Variants in CHRDL1 observed in about 807,000 individuals in gnomAD.
The protein encoded by CHRDL1 is chordin-like protein 1.
A neutral mutation model predicts 40.9 loss-of-function variants in CHRDL1; 19 were observed. The ratio of observed to expected loss-of-function variants is 0.46; its 90% CI spans 0.32 to 0.68. The LOEUF is 0.68. CHRDL1 is among the 30% of genes least tolerant of loss of function. The pLI, the probability that CHRDL1 is intolerant of heterozygous loss-of-function variation, is 0.03. For missense variants in CHRDL1, 329 were observed against 352.1 expected, an observed-to-expected ratio of 0.93 and a Z score of 0.53; for synonymous variants, 136 against 123.4, an observed-to-expected ratio of 1.10 and a Z score of -0.68.
rs2069752444 is a variant in CHRDL1, at chrX:110,675,432, T to A, written c.*799A>T. The A allele has an allele frequency of 9.0e-6, 1 of 111,245 alleles. No individual in the cohort carries two copies. Among genetic ancestry groups the A allele is most frequent in the Admixed American group, 9.6e-5 (1 of 10,421 alleles). 9.2% of individuals were successfully genotyped at this position (111,245 alleles called of 1,213,427 possible). On this transcript the variant is annotated 3_prime_UTR_variant, in exon 12 of 12. Transcript: ENST00000372042. ...GAAAAGTGGTATCATTAGGGAAAAA[T>A]TATTACCACTTCTAAGTGAATGAAT...
At chrX:110,708,474 A>T (rs2070688413) in intron 6 of CHRDL1, among the ~76,000 whole-genome samples, 1 of 111,360 alleles carries the variant, frequency 9.0e-6, no homozygotes, top group Non-Finnish European at 1.9e-5. Flanking sequence ...AAAGGATCAG[A>T]CAGTTATTTT....
intron 4 of CHRDL1, among the ~76,000 whole-genome samples, chrX:110,753,153 C>A (rs1482633109): frequency 8.9e-6 from 1 of 112,030 alleles, no homozygotes; most frequent in Non-Finnish European, 1.9e-5. Context: ...GGAAACAACC[C>A]AAATGACTAC....
chrX:110,779,649 T>C (rs2089908986), intron 2 of CHRDL1, among the ~76,000 whole-genome samples: 1 of 111,525 alleles, frequency 9.0e-6, no homozygotes, highest in African/African-American at 3.2e-5. Flanking sequence ...TCTCCTTTAA[T>C]ATTGTGTTGG....
At chrX:110,704,330 A>C (rs933115631) in intron 6 of CHRDL1, among the ~76,000 whole-genome samples, 2 of 111,596 alleles carry the variant, frequency 1.8e-5, no homozygotes, top group Non-Finnish European at 3.8e-5. Flanking sequence ...AAAAATATAA[A>C]ATTTTGTAAA....
chrX:110,697,486 C>T (rs939009873), intron 7 of CHRDL1, among the ~76,000 whole-genome samples: 1 of 110,555 alleles, frequency 9.0e-6, no homozygotes, highest in Non-Finnish European at 1.9e-5. Flanking sequence ...ATTTAAAAAG[C>T]GGCTTCAGAA....
chrX:110,760,992 T>G (rs750630060), intron 3 of CHRDL1, among the ~76,000 whole-genome samples: 7 of 111,195 alleles, frequency 6.3e-5, no homozygotes, highest in Non-Finnish European at 1.1e-4. Context: ...GCTAATAGAT[T>G]AATAATAATA....
intron 4 of CHRDL1, among the ~76,000 whole-genome samples, chrX:110,740,176 C>T (rs550659396): frequency 8.9e-6 from 1 of 112,659 alleles, no homozygotes; most frequent in East Asian, 2.8e-4. Context: ...TACAACTAGG[C>T]CAGATAACCT....
chrX:110,725,522 C>A (rs1213634237), intron 4 of CHRDL1, among the ~76,000 whole-genome samples: 1 of 110,373 alleles, frequency 9.1e-6, no homozygotes, highest in Non-Finnish European at 1.9e-5. Flanking sequence ...CACTTCACTT[C>A]TTTTTGTACG....
chrX:110,693,937 G>C (rs1480091845), intron 8 of CHRDL1, among the ~76,000 whole-genome samples: 1 of 111,407 alleles, frequency 9.0e-6, no homozygotes, highest in African/African-American at 3.3e-5. Flanking sequence ...AAATACAAGA[G>C]GCTGTTTACA....
In CHRDL1 at chrX:110,759,600, A is replaced by G. The variant is rs772966948; in HGVS notation, c.301+61T>C. On this transcript the variant is annotated intron_variant, in intron 4 of 11. Coordinates refer to ENST00000372042, the MANE Select transcript of CHRDL1 (RefSeq NM_001143981.2). ...TCTGGGGAATTATGGAGATGAGTTGAGTTGGGTGAAGAGGGAAATGGAGAA... is the reference window on the plus strand; with the variant it reads ...TCTGGGGAATTATGGAGATGAGTTGGGTTGGGTGAAGAGGGAAATGGAGAA... 65 of 785,117 alleles carry G rather than the reference A, an allele frequency of 8.3e-5. No homozygotes were observed. The African/African-American group carries it at 9.0e-4, about 11-fold the overall frequency. The allele number at this position is 785,117 out of a possible 1,213,427, so 64.7% of individuals were successfully genotyped here. A position where few individuals can be genotyped will look rare whatever the true frequency, so the allele number is the denominator to read the frequency against.
At chrX:110,713,310 T>C (rs983939551) in intron 6 of CHRDL1, among the ~76,000 whole-genome samples, 2 of 112,271 alleles carry the variant, frequency 1.8e-5, no homozygotes, top group African/African-American at 6.5e-5. Context: ...TTGTTCACCA[T>C]TGTATCTCTA....
chrX:110,780,055 A>C (rs1197717539), intron 2 of CHRDL1, among the ~76,000 whole-genome samples: 1 of 111,782 alleles, frequency 8.9e-6, no homozygotes, highest in Admixed American at 9.5e-5. Context: ...ATCACTTATT[A>C]GTAACAGGAG....
chrX:110,765,596 A>G (rs746546967), intron 2 of CHRDL1, among the ~76,000 whole-genome samples: 1 of 112,061 alleles, frequency 8.9e-6, no homozygotes, highest in African/African-American at 3.2e-5. Flanking sequence ...GCTGAAGATC[A>G]GTTGGCTGTA....
chrX:110,715,737 C>T (rs890853474), intron 6 of CHRDL1, among the ~76,000 whole-genome samples: 2 of 112,246 alleles, frequency 1.8e-5, no homozygotes, highest in Admixed American at 9.5e-5. Flanking sequence ...TTTCACATAT[C>T]CTTTTCCCCA....
intron 1 of CHRDL1, among the ~76,000 whole-genome samples, chrX:110,793,740 G>A (rs925618654): frequency 8.9e-5 from 10 of 111,905 alleles, no homozygotes; most frequent in South Asian, 3.7e-4. Flanking sequence ...GATTTCAACG[G>A]GTGTTTCTGA....
intron 8 of CHRDL1, among the ~76,000 whole-genome samples, chrX:110,689,450 CTATATATCTA>C (rs1203384508): frequency 3.4e-5 from 2 of 58,876 alleles, no homozygotes; most frequent in East Asian, 3.4e-4. Context: ...CTATATATAT[CTATATATCTA>C]TATATATCTA....
intron 4 of CHRDL1, among the ~76,000 whole-genome samples, chrX:110,740,936 A>G (rs2071349150): frequency 8.9e-6 from 1 of 112,462 alleles, no homozygotes; most frequent in Admixed American, 9.4e-5. Flanking sequence ...TCACATTACA[A>G]TGCAAGAGTT....
intron 4 of CHRDL1, among the ~76,000 whole-genome samples, chrX:110,745,610 T>C (rs1338412676): frequency 8.9e-6 from 1 of 111,994 alleles, no homozygotes; most frequent in African/African-American, 3.2e-5. Context: ...TCCTGGCTCT[T>C]GGAGAGTGCC....
intron 4 of CHRDL1, among the ~76,000 whole-genome samples, chrX:110,734,484 C>G (rs1296302602): frequency 8.9e-6 from 1 of 111,757 alleles, no homozygotes; most frequent in Non-Finnish European, 1.9e-5. Flanking sequence ...TGGACCATTC[C>G]AATCTCATTA....
Sources: gnomAD v4.1 joint callset for allele counts (sites outside exome capture counted in the v4.1 genomes callset) on GRCh38, gnomAD v4.1.1 for gene constraint, MANE v1.5 for transcripts, NCBI Gene and HGNC (gene_info 2026-07-23, HGNC 2026-07-21) for gene names.